Variants in TRAPPC9 observed in about 807,000 individuals in gnomAD.
TRAPPC9 encodes IKK2 binding protein.
In TRAPPC9, 83 loss-of-function variants were observed where a neutral mutation model predicts 124.0. The ratio of observed to expected loss-of-function variants is 0.67; its 90% CI spans 0.56 to 0.80. The LOEUF (loss-of-function observed/expected upper bound fraction) is 0.80, where lower values mean the gene tolerates loss of function less well. Among genes scored for constraint, TRAPPC9 ranks in the 30% least tolerant of loss-of-function variants. The pLI is 0.00. For synonymous variants in TRAPPC9, 638 were observed against 617.5 expected, an observed-to-expected ratio of 1.03 and a Z score of -0.49; for missense variants, 1,302 against 1,508.3, an observed-to-expected ratio of 0.86 and a Z score of 2.27.
rs1260659617 is a variant in TRAPPC9, at chr8:139,780,783, T to C, written c.3056-48581A>G. On this transcript the variant is annotated intron_variant, in intron 21 of 22. Transcript: ENST00000438773. ...TTCAAAGATTTATTTGGCAAAAGACTGTTATCCAAAATATACGAAGAACTC... is the reference window on the plus strand; with the variant it reads ...TTCAAAGATTTATTTGGCAAAAGACCGTTATCCAAAATATACGAAGAACTC... Among the ~76,000 whole-genome samples, 4 of 150,590 alleles carry C rather than the reference T, an allele frequency of 2.7e-5. No homozygotes were observed. The East Asian group carries it at 7.9e-4, about 30-fold the overall frequency.
At chr8:140,302,306 C>G (rs554590222) in intron 10 of TRAPPC9, among the ~76,000 whole-genome samples, 4 of 152,350 alleles carry the variant, frequency 2.6e-5, no homozygotes, top group African/African-American at 4.8e-5. Context: ...TGCTCCCCAG[C>G]TCCCTTCGCT....
At chr8:140,308,486 G>A (rs2066200306) in intron 10 of TRAPPC9, among the ~76,000 whole-genome samples, 1 of 151,996 alleles carries the variant, frequency 6.6e-6, no homozygotes, top group South Asian at 2.1e-4. Context: ...TGAGGAAGGA[G>A]TCACCAGGAC....
intron 18 of TRAPPC9, among the ~76,000 whole-genome samples, chr8:139,997,960 C>G (rs1435680745): frequency 6.8e-6 from 1 of 146,396 alleles, no homozygotes; most frequent in East Asian, 2.1e-4. Context: ...GGAGACAATG[C>G]ATCCTACACA....
intron 17 of TRAPPC9, among the ~76,000 whole-genome samples, chr8:140,074,344 G>A (rs971575284): frequency 6.6e-6 from 1 of 152,180 alleles, no homozygotes; most frequent in African/African-American, 2.4e-5. Flanking sequence ...GTGCTTCACT[G>A]TCACCCTAAG....
At chr8:140,361,099 T>C (rs555689670) in intron 8 of TRAPPC9, among the ~76,000 whole-genome samples, 1 of 152,376 alleles carries the variant, frequency 6.6e-6, no homozygotes, top group East Asian at 1.9e-4. Context: ...GACTGGCTAA[T>C]CACTGCTCCA....
chr8:140,204,410 G>A (rs944856616), intron 17 of TRAPPC9, among the ~76,000 whole-genome samples: 2 of 148,584 alleles, frequency 1.3e-5, no homozygotes, highest in Non-Finnish European at 3.0e-5. Flanking sequence ...ACTCATAGGT[G>A]GGAATTGAAC....
chr8:139,993,984 A>C (rs560094714), intron 18 of TRAPPC9, among the ~76,000 whole-genome samples: 31 of 152,354 alleles, frequency 2.0e-4, no homozygotes, highest in Admixed American at 2.6e-4. Flanking sequence ...TGAAATATTA[A>C]AAATGGACAA....
At chr8:140,310,849 G>A (rs2131879912) in intron 10 of TRAPPC9, among the ~76,000 whole-genome samples, 1 of 152,190 alleles carries the variant, frequency 6.6e-6, no homozygotes, top group South Asian at 2.1e-4. Context: ...GTGTGGGCGA[G>A]GAGCTGCCCT....
At chr8:139,791,958 G>T (rs182196123) in intron 21 of TRAPPC9, among the ~76,000 whole-genome samples, 8 of 152,192 alleles carry the variant, frequency 5.3e-5, no homozygotes, top group Admixed American at 5.2e-4. Flanking sequence ...GCGTGGTCAG[G>T]CTCCCAGGAG....
intron 21 of TRAPPC9, among the ~76,000 whole-genome samples, chr8:139,777,973 C>A (rs1169623570): frequency 1.3e-5 from 2 of 151,912 alleles, no homozygotes; most frequent in African/African-American, 2.4e-5. Flanking sequence ...GACAAGAGAG[C>A]TGCAGCTGAC....
chr8:140,383,060 A>C (rs2068655972), intron 7 of TRAPPC9, among the ~76,000 whole-genome samples: 2 of 152,380 alleles, frequency 1.3e-5, no homozygotes, highest in African/African-American at 4.8e-5. Flanking sequence ...CAGGGTCTAG[A>C]GTGGACCTCC....
At chr8:140,305,109 A>T (rs2066087325) in intron 10 of TRAPPC9, among the ~76,000 whole-genome samples, 1 of 152,212 alleles carries the variant, frequency 6.6e-6, no homozygotes, top group Admixed American at 6.5e-5. Flanking sequence ...TGTGACTGAT[A>T]CATGCCTGTT....
intron 19 of TRAPPC9, among the ~76,000 whole-genome samples, chr8:139,934,926 C>T (rs1033924990): frequency 1.3e-5 from 2 of 152,192 alleles, no homozygotes; most frequent in Admixed American, 6.5e-5. Context: ...GTTAGCTTTC[C>T]GAGGTCTTGC....
At chr8:139,893,743 A>G (rs1830491238) in intron 20 of TRAPPC9, among the ~76,000 whole-genome samples, 1 of 152,230 alleles carries the variant, frequency 6.6e-6, no homozygotes, top group South Asian at 2.1e-4. Context: ...ACTCTGGCAC[A>G]CCAGGAGGTA....
intron 16 of TRAPPC9, among the ~76,000 whole-genome samples, chr8:140,250,517 A>T (rs541576283): frequency 6.6e-5 from 10 of 152,248 alleles, no homozygotes; most frequent in African/African-American, 2.4e-4. Context: ...GAGGCCACAA[A>T]TGAGCCTCTG....
intron 17 of TRAPPC9, among the ~76,000 whole-genome samples, chr8:140,121,349 T>C (rs893816100): frequency 2.6e-5 from 4 of 152,084 alleles, no homozygotes; most frequent in Admixed American, 6.5e-5. Context: ...AGGGTCAGGG[T>C]TGGAGAAGCA....
chr8:139,801,675 G>A lies in TRAPPC9; in HGVS notation c.3056-69473C>T, dbSNP rs559295928. ...GCCAGGAGGCACTGTGGCTTTTACA[G>A]TTCTGGGTTTCAACTGCACAGTCGC... On this transcript the variant is annotated intron_variant, in intron 21 of 22. Transcript: ENST00000438773. 3.3e-5 allele frequency among the ~76,000 whole-genome samples: 5 copies of A among 152,338 alleles called. No homozygotes were observed. The East Asian group carries it at 9.6e-4, about 29-fold the overall frequency.
Position 139,826,054 on chromosome 8 carries a change from G to A in TRAPPC9, c.3055+59825C>T, listed in dbSNP as rs569169837. Among the ~76,000 whole-genome samples the A allele has an allele frequency of 5.3e-5, 8 of 152,342 alleles. No homozygotes were observed. In the East Asian group the frequency reaches 7.7e-4, roughly 15 times the overall value. ...TGCCTGGTGGGCAAGGAAGAGGAGC[G>A]TGGAGAGGTCTTCCTGGCCAGGTCT... is the stretch of plus-strand genomic sequence containing the variant. On this transcript the variant is annotated intron_variant, in intron 21 of 22. Transcript: ENST00000438773.
intron 17 of TRAPPC9, among the ~76,000 whole-genome samples, chr8:140,171,915 C>G (rs1419213814): frequency 6.6e-6 from 1 of 152,200 alleles, no homozygotes; most frequent in Admixed American, 6.5e-5. Flanking sequence ...CATAAGGGCT[C>G]TGTCTTGAGG....
Sources: gnomAD v4.1 joint callset for allele counts (sites outside exome capture counted in the v4.1 genomes callset) on GRCh38, gnomAD v4.1.1 for gene constraint, MANE v1.5 for transcripts, NCBI Gene and HGNC (gene_info 2026-07-23, HGNC 2026-07-21) for gene names.